SLC4A5: variants seen among roughly 807,000 people sequenced by gnomAD.
SLC4A5 encodes the protein solute carrier family 4 member 5, also known as electrogenic sodium bicarbonate cotransporter 4.
Under a neutral mutation model 120.4 loss-of-function variants are expected in SLC4A5, and 96 were observed. The observed-to-expected ratio is 0.80, with a 90% CI of 0.68 to 0.94. SLC4A5 has a LOEUF of 0.94. Among genes scored for constraint, SLC4A5 ranks in the 40% least tolerant of loss-of-function variants. The probability of loss-of-function intolerance (pLI) is 0.00; values close to 1 mark genes in which losing one functional copy is unlikely to be tolerated. For missense variants in SLC4A5, 1,259 were observed against 1,459.5 expected (o/e 0.86, Z 2.24); for synonymous variants, 550 against 571.1 (o/e 0.96, Z 0.53).
intron 5 of SLC4A5, among the ~76,000 whole-genome samples, chr2:74,315,509 A>G (rs1488564840): frequency 6.6e-6 from 1 of 151,482 alleles, no homozygotes; most frequent in African/African-American, 2.4e-5. Flanking sequence ...CAAGCAGAGA[A>G]CACACTTCTT....
chr2:74,254,623 T>C (rs774861290), exon 14 of SLC4A5: 5 of 1,613,828 alleles, frequency 3.1e-6, no homozygotes, highest in Non-Finnish European at 4.2e-6. Context: ...ACTTACATCA[T>C]CTACCATGAG....
At chr2:74,312,982 T>G (rs143624018) in intron 6 of SLC4A5, among the ~76,000 whole-genome samples, 2,128 of 151,698 alleles carry the variant, frequency 0.014, 32 homozygotes, top group Non-Finnish European at 0.022. Context: ...ATATCTACCA[T>G]GTTTACAACA....
At chr2:74,324,663 A>C (rs1673176682) in intron 5 of SLC4A5, among the ~76,000 whole-genome samples, 1 of 152,198 alleles carries the variant, frequency 6.6e-6, no homozygotes, top group South Asian at 2.1e-4. Context: ...TGGTGTGAAG[A>C]GTACAGAGAA....
At chr2:74,247,258 A>T in exon 19 of SLC4A5, 1 of 1,614,138 alleles carries the variant, frequency 6.2e-7, no homozygotes, top group Non-Finnish European at 8.5e-7. Flanking sequence ...TGGACAGCTG[A>T]GTGTAGGCCA....
At chr2:74,278,797 A>G (rs1671722562) in intron 8 of SLC4A5, among the ~76,000 whole-genome samples, 1 of 152,236 alleles carries the variant, frequency 6.6e-6, no homozygotes, top group Admixed American at 6.5e-5. Context: ...GTGGAAGTCA[A>G]ACAACCTTAA....
At chr2:74,274,241 T>C (rs1172901236) in intron 8 of SLC4A5, among the ~76,000 whole-genome samples, 1 of 152,140 alleles carries the variant, frequency 6.6e-6, no homozygotes, top group African/African-American at 2.4e-5. Context: ...AGGCGGAAGT[T>C]ACAGTGAGCT....
chr2:74,233,846 G>A (rs1670178689), intron 22 of SLC4A5, among the ~76,000 whole-genome samples: 1 of 152,218 alleles, frequency 6.6e-6, no homozygotes, highest in Non-Finnish European at 1.5e-5. Flanking sequence ...GGGCAGCCAG[G>A]AGAGAGAGCA....
chr2:74,242,641 T>A (rs1290909792), intron 19 of SLC4A5, among the ~76,000 whole-genome samples: 1 of 152,154 alleles, frequency 6.6e-6, no homozygotes, highest in East Asian at 1.9e-4. Context: ...TGAACTTCCC[T>A]GCCCTGTTCA....
rs117555734 is a variant in SLC4A5 at position 74,295,731 on chromosome 2, C to G, written c.271+8758G>C. ...CCATGGTTCTGAACCTTCAACAAAGCCTGCTGCTCACCTATGTGCCTTAAA... is the reference window on the plus strand; with the variant it reads ...CCATGGTTCTGAACCTTCAACAAAGGCTGCTGCTCACCTATGTGCCTTAAA... On this transcript the variant is annotated intron_variant, in intron 7 of 30. Coordinates refer to ENST00000394019, the Ensembl canonical transcript of SLC4A5. Among the ~76,000 whole-genome samples the G allele has an allele frequency of 4.7e-4, 72 of 152,288 alleles. 4 individuals carry two copies. In the East Asian group the frequency reaches 0.014, roughly 29 times the overall value.
chr2:74,230,839 T>C (rs920970614), intron 25 of SLC4A5, among the ~76,000 whole-genome samples: 1 of 152,050 alleles, frequency 6.6e-6, no homozygotes, highest in Admixed American at 6.6e-5. Flanking sequence ...GGAGTTTCGC[T>C]CTTGCTGCCC....
At chr2:74,308,125 C>G (rs911750060) in intron 6 of SLC4A5, 7 of 349,588 alleles carry the variant, frequency 2.0e-5, no homozygotes, top group South Asian at 1.8e-4. Flanking sequence ...CATCCATTCT[C>G]CTATTGAAGG....
intron 5 of SLC4A5, among the ~76,000 whole-genome samples, chr2:74,323,072 C>T (rs1241854601): frequency 6.6e-6 from 1 of 152,094 alleles, no homozygotes; most frequent in African/African-American, 2.4e-5. Context: ...ATCCCCGTCT[C>T]TTATTAAAAA....
intron 8 of SLC4A5, among the ~76,000 whole-genome samples, chr2:74,272,080 A>G (rs945185163): frequency 4.4e-4 from 67 of 152,290 alleles, no homozygotes; most frequent in African/African-American, 1.6e-3. Context: ...CCCTATCTCT[A>G]AAAAGAAAGA....
chr2:74,222,912 T>C (rs1158605193), exon 29 of SLC4A5: 3 of 1,613,582 alleles, frequency 1.9e-6, no homozygotes, highest in South Asian at 1.1e-5. Flanking sequence ...TTGGACACTT[T>C]CCATGGGAAT....
At chr2:74,340,066 G>A (rs78508326) in intron 2 of SLC4A5, among the ~76,000 whole-genome samples, 44 of 152,206 alleles carry the variant, frequency 2.9e-4, no homozygotes, top group Non-Finnish European at 5.1e-4. Flanking sequence ...TGTTTAATGG[G>A]TATAAAGTTT....
chr2:74,264,984 T>C, intron 9 of SLC4A5, 120 bp downstream of exon 9: 1 of 1,173,354 alleles, frequency 8.5e-7, no homozygotes, highest in Admixed American at 2.2e-5. Context: ...AGCTGGTCTC[T>C]GCAGAATCAG....
chr2:74,226,651 C>T (rs939527287), intron 27 of SLC4A5, among the ~76,000 whole-genome samples: 1 of 152,050 alleles, frequency 6.6e-6, no homozygotes, highest in East Asian at 1.9e-4. Flanking sequence ...AGTGGGAACT[C>T]GGTCTCCTGG....
Position 74,328,110 on chromosome 2 carries a change from G to A in SLC4A5, c.-3+10C>T. The A allele has an allele frequency of 1.0e-6, 1 of 985,696 alleles. No homozygotes were observed. The highest frequency in any genetic ancestry group is 1.2e-6 in the Non-Finnish European group (1 of 829,802). 61.1% of individuals were successfully genotyped at this position (985,696 alleles called of 1,614,324 possible). A position where few individuals can be genotyped will look rare whatever the true frequency, so the allele number is the denominator to read the frequency against. ...TCTACTTTCTCTGAAGCTTCCAGCT[G>A]CAAACTTACCTTTGTGTTCTTAGCT... On this transcript the variant is annotated intron_variant, in intron 5 of 30. Coordinates refer to ENST00000394019, the Ensembl canonical transcript of SLC4A5.
At chr2:74,290,027 C>T (rs1672107512) in intron 7 of SLC4A5, among the ~76,000 whole-genome samples, 1 of 152,206 alleles carries the variant, frequency 6.6e-6, no homozygotes, top group African/African-American at 2.4e-5. Context: ...TAGGTTCTAG[C>T]ATGTCCCTCA....
Sources: allele counts gnomAD v4.1 joint callset (sites outside exome capture counted in the v4.1 genomes callset), GRCh38; gene constraint gnomAD v4.1.1; transcripts MANE v1.5; gene names NCBI Gene and HGNC (gene_info 2026-07-23, HGNC 2026-07-21).